The following GLI3 variants were observed in gnomAD, a reference collection of about 807,000 sequenced individuals.
The protein encoded by GLI3 is GLI family zinc finger 3, also known as transcription activator GLI3.
GLI3 carries 20 observed loss-of-function variants against 100.8 expected under a neutral mutation model. The ratio of observed to expected loss-of-function variants is 0.20; its 90% confidence interval spans 0.14 to 0.29. The LOEUF is 0.29. Ranked by LOEUF, GLI3 falls within the 10% of genes least tolerant of loss-of-function variation. The pLI is 1.00. For synonymous variants in GLI3, 938 were observed against 860.5 expected, an observed-to-expected ratio of 1.09 and a Z score of -1.58; for missense variants, 2,040 against 2,128.5, an observed-to-expected ratio of 0.96 and a Z score of 0.82.
intron 3 of GLI3, among the ~76,000 whole-genome samples, chr7:42,112,817 GC>G (rs1785746650): frequency 6.6e-6 from 1 of 152,066 alleles, no homozygotes; most frequent in Non-Finnish European, 1.5e-5. Context: ...AGGAGACTGT[GC>G]CCACATGAGA....
At chr7:42,144,535 T>C (rs1328430354) in intron 3 of GLI3, among the ~76,000 whole-genome samples, 1 of 152,048 alleles carries the variant, frequency 6.6e-6, no homozygotes, top group Non-Finnish European at 1.5e-5. Context: ...CTGAGTTTTC[T>C]TTTTTCTTTT....
At chr7:41,974,948 G>T (rs1202566022) in intron 12 of GLI3, among the ~76,000 whole-genome samples, 1 of 152,210 alleles carries the variant, frequency 6.6e-6, no homozygotes, top group Non-Finnish European at 1.5e-5. Context: ...GAGAGGTCAG[G>T]ACTAGAGGGA....
At chr7:41,995,101 GTTATT>G (rs2128719585) in intron 10 of GLI3, among the ~76,000 whole-genome samples, 1 of 152,324 alleles carries the variant, frequency 6.6e-6, no homozygotes, top group South Asian at 2.1e-4. Context: ...TGTCCTGTTA[GTTATT>G]TTATCTAAAG....
chr7:42,178,003 C>T (rs1416337613), intron 2 of GLI3, among the ~76,000 whole-genome samples: 1 of 152,188 alleles, frequency 6.6e-6, no homozygotes, highest in Non-Finnish European at 1.5e-5. Context: ...TCATGGATCT[C>T]AGTCACTAGC....
chr7:41,970,636 G>T (rs1787339726), intron 13 of GLI3, among the ~76,000 whole-genome samples: 1 of 152,144 alleles, frequency 6.6e-6, no homozygotes. Context: ...CCAAATCGCT[G>T]TAATTTTTAT....
chr7:42,078,401 A>C (rs1784925547), intron 3 of GLI3, among the ~76,000 whole-genome samples: 1 of 152,186 alleles, frequency 6.6e-6, no homozygotes, highest in African/African-American at 2.4e-5. Context: ...ATGAAGAAAA[A>C]AATCCAGTAA....
chr7:41,984,514 C>A (rs185221129), intron 10 of GLI3, among the ~76,000 whole-genome samples: 3 of 152,250 alleles, frequency 2.0e-5, no homozygotes, highest in Admixed American at 2.0e-4. Flanking sequence ...TGTGTGTGTG[C>A]AAGATCTGCA....
chr7:41,985,706 C>T (rs1787801517), intron 10 of GLI3, among the ~76,000 whole-genome samples: 1 of 152,104 alleles, frequency 6.6e-6, no homozygotes, highest in Non-Finnish European at 1.5e-5. Flanking sequence ...TTGTGTATTA[C>T]TTGATAAATG....
intron 10 of GLI3, among the ~76,000 whole-genome samples, chr7:42,018,417 T>C (rs899475590): frequency 6.6e-6 from 1 of 152,166 alleles, no homozygotes; most frequent in Admixed American, 6.5e-5. Flanking sequence ...AACTCAATTT[T>C]CTCTTAGGTA....
intron 2 of GLI3, among the ~76,000 whole-genome samples, chr7:42,184,677 C>T (rs548725046): frequency 3.3e-5 from 5 of 152,194 alleles, no homozygotes; most frequent in Non-Finnish European, 5.9e-5. Flanking sequence ...CCCTTTAGCG[C>T]TCAGCCCATG....
intron 2 of GLI3, among the ~76,000 whole-genome samples, chr7:42,192,443 G>A (rs1259865755): frequency 6.6e-6 from 1 of 152,066 alleles, no homozygotes; most frequent in Non-Finnish European, 1.5e-5. Context: ...AACAAAACCT[G>A]AGACAAGGTA....
At chr7:42,112,130 T>C (rs1785723978) in intron 3 of GLI3, among the ~76,000 whole-genome samples, 1 of 152,224 alleles carries the variant, frequency 6.6e-6, no homozygotes. Context: ...GAATTTCATC[T>C]GCCGTCTATG....
intron 10 of GLI3, among the ~76,000 whole-genome samples, chr7:42,007,248 A>C (rs1171460595): frequency 6.7e-6 from 1 of 150,308 alleles, no homozygotes; most frequent in East Asian, 1.9e-4. Context: ...AAAAGGAAGG[A>C]AGAAAAAAGA....
At chr7:42,179,175 C>G (rs1787541381) in intron 2 of GLI3, among the ~76,000 whole-genome samples, 1 of 152,024 alleles carries the variant, frequency 6.6e-6, no homozygotes. Flanking sequence ...GGGGAGTTTC[C>G]CTGCACAAAC....
intron 7 of GLI3, among the ~76,000 whole-genome samples, chr7:42,031,319 G>A (rs1461625081): frequency 1.3e-5 from 2 of 152,210 alleles, no homozygotes; most frequent in African/African-American, 2.4e-5. Context: ...ACCTGTAACT[G>A]TTAATCTATA....
At position 42,100,943 on chromosome 7, in the gene GLI3, C is replaced by T. The variant is rs552903034; in HGVS notation, c.368-24086G>A. 4.6e-5 allele frequency among the ~76,000 whole-genome samples: 7 copies of T among 152,242 alleles called. No individual in the cohort carries two copies. In the South Asian group the frequency reaches 1.5e-3, roughly 32 times the overall value. On this transcript the variant is annotated intron_variant, in intron 3 of 14. Coordinates refer to ENST00000395925, the MANE Select transcript of GLI3 (RefSeq NM_000168.6). ...ACCTTGATTTTGGACTTTCAGCTTC[C>T]AGAACTGACAGATAATAAATTTCTG...
Position 41,966,176 on chromosome 7 carries a change from G to A in GLI3, c.2897C>T (p.Pro966Leu). 6.2e-7 allele frequency: 1 copy of A among 1,602,518 alleles called. No homozygotes were observed. Among genetic ancestry groups the A allele is most frequent in the Non-Finnish European group, 8.5e-7 (1 of 1,177,244 alleles). The change falls in exon 15 of 15, where the codon CCT (proline) becomes CTT (leucine). Residue 966 changes from proline to leucine, a missense_variant. Around this residue, in one of 5 missense-constraint regions of GLI3, gnomAD observed 1,041 missense variants for 924.0 expected, o/e 1.13. Coordinates refer to ENST00000395925, the MANE Select transcript of GLI3 (RefSeq NM_000168.6). This position sits in a 1 kb window ranked among gnomAD's most constrained non-coding sequence, Gnocchi z 5.8. ...RLALLGDALE[P>L]GVALPPVHAP... ...ATGAACTGGAGGCAGGGCCACGCCA[G>A]GCTCGAGGGCATCCCCGAGCAGCGC...
At chr7:42,012,599 G>T (rs145057936) in intron 10 of GLI3, among the ~76,000 whole-genome samples, 1 of 152,232 alleles carries the variant, frequency 6.6e-6, no homozygotes, top group East Asian at 1.9e-4. Context: ...TTGTACAAGT[G>T]CTGGCATCTG....
At chr7:41,968,063 T>C in intron 13 of GLI3, 140 bp from the exon 14 acceptor site, 1 of 791,072 alleles carries the variant, frequency 1.3e-6, no homozygotes, top group Non-Finnish European at 2.2e-6. Context: ...TTCTGGTGAA[T>C]GGAGCTGGCC....
Sources: allele counts gnomAD v4.1 joint callset (sites outside exome capture counted in the v4.1 genomes callset), GRCh38; gene constraint gnomAD v4.1.1; regional missense constraint gnomAD v4.1.1; non-coding constraint Gnocchi (gnomAD v3.1); transcripts MANE v1.5; gene names NCBI Gene and HGNC (gene_info 2026-07-23, HGNC 2026-07-21).